The following NSRP1 variants were observed in gnomAD, a reference collection of about 807,000 sequenced individuals.
NSRP1 encodes the protein nuclear speckle splicing regulatory protein 1.
NSRP1 carries 24 observed loss-of-function variants against 54.7 expected under a neutral mutation model. That is an observed-to-expected ratio of 0.44 (90% CI 0.32 to 0.62). NSRP1 has a LOEUF of 0.62. Ranked by LOEUF, NSRP1 falls within the 20% of genes least tolerant of loss-of-function variation. The pLI is 0.06. For missense variants in NSRP1, 596 were observed against 651.2 expected (o/e 0.92, Z 0.92); for synonymous variants, 210 against 213.8 (o/e 0.98, Z 0.15).
intron 3 of NSRP1, among the ~76,000 whole-genome samples, chr17:30,176,010 CA>C (rs919830212): frequency 1.8e-4 from 22 of 122,838 alleles, no homozygotes; most frequent in Non-Finnish European, 3.1e-4. Flanking sequence ...ACCCCCCCCC[CA>C]AAAAAAAAGA....
intron 2 of NSRP1, chr17:30,122,385 ATTTTTTTTTTTTTTTTTT>A (rs56295513): frequency 4.3e-4 from 7 of 16,428 alleles, no homozygotes; most frequent in Admixed American, 2.6e-3. Flanking sequence ...ATATATATAT[ATTTTTTTTTTTTTTTTTT>A]TTTTTTTTTT....
At chr17:30,139,471 T>A (rs1210249418) in intron 2 of NSRP1, among the ~76,000 whole-genome samples, 1 of 152,200 alleles carries the variant, frequency 6.6e-6, no homozygotes, top group Non-Finnish European at 1.5e-5. Context: ...AAGTTTTCTG[T>A]TTTCTTTCAA....
At chr17:30,148,304 AAACTC>A (rs1395305623) in intron 2 of NSRP1, among the ~76,000 whole-genome samples, 1 of 152,208 alleles carries the variant, frequency 6.6e-6, no homozygotes, top group Non-Finnish European at 1.5e-5. Flanking sequence ...ATATGCTAGT[AAACTC>A]AATTCACTAA....
chr17:30,139,091 G>A (rs2071779455), intron 2 of NSRP1, among the ~76,000 whole-genome samples: 1 of 151,206 alleles, frequency 6.6e-6, no homozygotes, highest in Non-Finnish European at 1.5e-5. Context: ...CTAATATTTT[G>A]TATTTTTAGT....
At chr17:30,137,052 T>G (rs973414512) in intron 2 of NSRP1, among the ~76,000 whole-genome samples, 1 of 152,196 alleles carries the variant, frequency 6.6e-6, no homozygotes, top group African/African-American at 2.4e-5. Context: ...CTGGTCTAAT[T>G]GCATTGAGTA....
chr17:30,157,557 A>G (rs543819983), intron 2 of NSRP1, among the ~76,000 whole-genome samples: 5 of 152,276 alleles, frequency 3.3e-5, no homozygotes, highest in African/African-American at 1.2e-4. Flanking sequence ...TATTTCTTCT[A>G]TCTAACTGTA....
rs567541392 is a variant in NSRP1 at position 30,142,917 on chromosome 17, T to G, written c.114+24744T>G. On this transcript the variant is annotated intron_variant, in intron 2 of 6. Transcript: ENST00000247026. ...TAAATAAGGCAGTTATGTCCATAAT[T>G]ACATTTTTGAGTTATTGTTTTATTT... Among the ~76,000 whole-genome samples, 83 of 152,344 alleles carry G rather than the reference T, an allele frequency of 5.4e-4. 1 individual carries two copies. Among genetic ancestry groups the G allele is most frequent in the Middle Eastern group, 3.4e-3 (1 of 294 alleles).
At chr17:30,133,390 C>G (rs890376335) in intron 2 of NSRP1, among the ~76,000 whole-genome samples, 3 of 151,954 alleles carry the variant, frequency 2.0e-5, no homozygotes, top group Non-Finnish European at 2.9e-5. Flanking sequence ...CGTGATAACC[C>G]GATGCATTGT....
In NSRP1 at chr17:30,152,903, C is replaced by CTTT. The variant is rs60246615; in HGVS notation, c.115-19618_115-19616dup. ...TTTTTTCCCACTCATTTATTTTCAG[C>CTTT]TTTTTTTTTTTTTTTTTTTTTTTGA... On this transcript the variant is annotated intron_variant, in intron 2 of 6. Transcript: ENST00000247026. Among the ~76,000 whole-genome samples, 158 of 46,938 alleles carry CTTT rather than the reference C, an allele frequency of 3.4e-3. 2 individuals carry two copies. The highest frequency in any genetic ancestry group is 7.0e-3 in the African/African-American group (92 of 13,220). The allele number at this position is 46,938 out of a possible 152,430, so 30.8% of individuals were successfully genotyped here.
At chr17:30,183,695 G>T (rs968868864) in intron 6 of NSRP1, among the ~76,000 whole-genome samples, 1 of 152,108 alleles carries the variant, frequency 6.6e-6, no homozygotes, top group African/African-American at 2.4e-5. Context: ...AAAGTTAACT[G>T]TACTTGCCAG....
intron 3 of NSRP1, 117 bp downstream of exon 3, chr17:30,172,715 A>G (rs925599157): frequency 1.4e-6 from 1 of 696,682 alleles, no homozygotes; most frequent in Non-Finnish European, 2.4e-6. Flanking sequence ...GAAAAACACA[A>G]TGAAGAATTA....
At chr17:30,163,359 C>T (rs186515492) in intron 2 of NSRP1, among the ~76,000 whole-genome samples, 1 of 152,098 alleles carries the variant, frequency 6.6e-6, no homozygotes, top group African/African-American at 2.4e-5. Context: ...AGGCATGAGC[C>T]ACTGTGCCTG....
At chr17:30,142,483 G>A (rs187109439) in intron 2 of NSRP1, among the ~76,000 whole-genome samples, 9 of 149,572 alleles carry the variant, frequency 6.0e-5, no homozygotes, top group African/African-American at 9.9e-5. Context: ...GTGCCACCAC[G>A]CCTGGCTAAT....
At chr17:30,123,024 ATCC>A (rs2071618090) in intron 2 of NSRP1, among the ~76,000 whole-genome samples, 1 of 151,570 alleles carries the variant, frequency 6.6e-6, no homozygotes, top group Non-Finnish European at 1.5e-5. Flanking sequence ...GCCTCAAGCA[ATCC>A]TCCTGCCTCA....
intron 2 of NSRP1, among the ~76,000 whole-genome samples, chr17:30,167,726 A>T (rs906349008): frequency 6.6e-6 from 1 of 152,230 alleles, no homozygotes; most frequent in African/African-American, 2.4e-5. Context: ...CATTCATGAT[A>T]TGACTACAAT....
intron 2 of NSRP1, among the ~76,000 whole-genome samples, chr17:30,161,437 A>G (rs1248105455): frequency 6.6e-6 from 1 of 152,200 alleles, no homozygotes; most frequent in Admixed American, 6.5e-5. Flanking sequence ...TGGCTTTATA[A>G]TATATCTAAT....
chr17:30,125,880 A>C (rs1330578663), intron 2 of NSRP1: 1 of 152,200 alleles, frequency 6.6e-6, no homozygotes, highest in East Asian at 1.9e-4. Flanking sequence ...TGTCAGAATA[A>C]GTTAGAAATA....
intron 2 of NSRP1, among the ~76,000 whole-genome samples, chr17:30,145,304 C>T (rs1043195582): frequency 1.6e-5 from 2 of 124,726 alleles, no homozygotes; most frequent in African/African-American, 6.0e-5. Context: ...GCACTAAGGC[C>T]GGGCGCAGTG....
intron 2 of NSRP1, among the ~76,000 whole-genome samples, chr17:30,161,230 C>T (rs1445402210): frequency 1.3e-5 from 2 of 152,132 alleles, no homozygotes; most frequent in African/African-American, 4.8e-5. Context: ...GCTTTCATTT[C>T]TCTTAGGTAA....
Sources: gnomAD v4.1 joint callset for allele counts (sites outside exome capture counted in the v4.1 genomes callset) on GRCh38, gnomAD v4.1.1 for gene constraint, MANE v1.5 for transcripts, NCBI Gene and HGNC (gene_info 2026-07-23, HGNC 2026-07-21) for gene names.